GMDS: variants seen among roughly 807,000 people sequenced by gnomAD.
The protein encoded by GMDS is GDP-mannose 4,6 dehydratase.
GMDS carries 20 observed loss-of-function variants against 49.9 expected under a neutral mutation model. The observed-to-expected ratio is 0.40, with a 90% CI of 0.28 to 0.58. GMDS has a LOEUF of 0.58. Among genes scored for constraint, GMDS ranks in the 20% least tolerant of loss-of-function variants. The pLI, the probability that GMDS is intolerant of heterozygous loss-of-function variation, is 0.42. For missense variants in GMDS, 362 were observed against 481.4 expected (o/e 0.75, Z 2.32); for synonymous variants, 177 against 178.6 (o/e 0.99, Z 0.07).
At chr6:2,008,115 A>G (rs572184389) in intron 4 of GMDS, among the ~76,000 whole-genome samples, 132 of 152,316 alleles carry the variant, frequency 8.7e-4, no homozygotes, top group Non-Finnish European at 1.5e-3. Flanking sequence ...TTTATAGTCT[A>G]TTTACATTCA....
chr6:1,721,454 T>C (rs563779882), intron 9 of GMDS, among the ~76,000 whole-genome samples: 1 of 152,256 alleles, frequency 6.6e-6, no homozygotes, highest in Non-Finnish European at 1.5e-5. Context: ...AAAATGAATG[T>C]TAAAGACAAA....
intron 1 of GMDS, among the ~76,000 whole-genome samples, chr6:2,237,307 C>A (rs1039292339): frequency 1.3e-5 from 2 of 152,154 alleles, no homozygotes; most frequent in Non-Finnish European, 2.9e-5. Context: ...CACATTGGTG[C>A]CCCACTGCCA....
chr6:1,653,397 A>T (rs1763776106), intron 9 of GMDS, among the ~76,000 whole-genome samples: 1 of 152,208 alleles, frequency 6.6e-6, no homozygotes, highest in Non-Finnish European at 1.5e-5. Context: ...GATTCAGTGC[A>T]ATCCCTATCA....
At chr6:1,873,557 TTTA>T (rs1758880644) in intron 7 of GMDS, among the ~76,000 whole-genome samples, 2 of 152,308 alleles carry the variant, frequency 1.3e-5, no homozygotes, top group South Asian at 2.1e-4. Flanking sequence ...ACTTGGTAAT[TTTA>T]TTATTGTCCA....
chr6:2,023,182 A>G (rs1768379095), intron 4 of GMDS, among the ~76,000 whole-genome samples: 1 of 152,228 alleles, frequency 6.6e-6, no homozygotes, highest in Non-Finnish European at 1.5e-5. Context: ...CATGTAAATG[A>G]CACTGACTTT....
chr6:1,742,641 T>G lies in GMDS; in HGVS notation c.772-55A>C, dbSNP rs1445984997. 7.9e-6 allele frequency: 7 copies of G among 883,898 alleles called. No individual in the cohort carries two copies. In the African/African-American group the frequency reaches 1.1e-4, roughly 14 times the overall value. 54.8% of individuals were successfully genotyped at this position (883,898 alleles called of 1,614,324 possible). On this transcript the variant is annotated intron_variant, in intron 7 of 10. Coordinates refer to ENST00000380815, the MANE Select transcript of GMDS (RefSeq NM_001500.4). ...GAAGTCACACTCAGTGGCCACACAT[T>G]GTTTTCCAGTGCACATAATCAGATA...
intron 9 of GMDS, among the ~76,000 whole-genome samples, chr6:1,648,819 C>T (rs1399866417): frequency 1.3e-5 from 2 of 152,164 alleles, no homozygotes; most frequent in Admixed American, 6.5e-5. Context: ...GGCCTGCTGC[C>T]TCCCTGTTTG....
At chr6:1,629,210 G>C (rs761699701) in intron 9 of GMDS, among the ~76,000 whole-genome samples, 1 of 152,148 alleles carries the variant, frequency 6.6e-6, no homozygotes, top group Non-Finnish European at 1.5e-5. Context: ...ACATGCTCAC[G>C]AATTTATCCT....
At chr6:1,754,222 A>G (rs1767848080) in intron 7 of GMDS, among the ~76,000 whole-genome samples, 1 of 152,222 alleles carries the variant, frequency 6.6e-6, no homozygotes, top group African/African-American at 2.4e-5. Flanking sequence ...GATCCCACAG[A>G]AATACAAACT....
At chr6:2,063,507 C>T (rs1771316117) in intron 4 of GMDS, among the ~76,000 whole-genome samples, 1 of 152,124 alleles carries the variant, frequency 6.6e-6, no homozygotes, top group Admixed American at 6.5e-5. Flanking sequence ...CAAACCAAAC[C>T]AAACCATAAT....
At chr6:1,946,018 T>C (rs1340558076) in intron 6 of GMDS, among the ~76,000 whole-genome samples, 2 of 152,228 alleles carry the variant, frequency 1.3e-5, no homozygotes, top group Non-Finnish European at 2.9e-5. Flanking sequence ...CCAGTTTCTA[T>C]GTCACCCATG....
intron 6 of GMDS, among the ~76,000 whole-genome samples, chr6:1,956,191 C>T (rs963717369): frequency 6.6e-6 from 1 of 152,238 alleles, no homozygotes; most frequent in East Asian, 1.9e-4. Flanking sequence ...GATCTGTCTA[C>T]AGCTGGGGCC....
At chr6:2,203,193 G>A (rs1237373895) in intron 1 of GMDS, among the ~76,000 whole-genome samples, 1 of 152,122 alleles carries the variant, frequency 6.6e-6, no homozygotes, top group Non-Finnish European at 1.5e-5. Flanking sequence ...TAGGCCACTG[G>A]GGGGTTGGGG....
chr6:1,762,027 T>C (rs1239064250), intron 7 of GMDS, among the ~76,000 whole-genome samples: 1 of 152,206 alleles, frequency 6.6e-6, no homozygotes, highest in East Asian at 1.9e-4. Context: ...AAGGACAATC[T>C]GATATAAACC....
intron 4 of GMDS, among the ~76,000 whole-genome samples, chr6:2,041,777 A>C (rs1466234409): frequency 2.0e-5 from 3 of 152,312 alleles, no homozygotes; most frequent in Non-Finnish European, 2.9e-5. Flanking sequence ...AAAACACATA[A>C]ATTTGGAAAC....
chr6:2,089,328 T>C (rs1354908941), intron 4 of GMDS, among the ~76,000 whole-genome samples: 1 of 151,924 alleles, frequency 6.6e-6, no homozygotes, highest in East Asian at 1.9e-4. Context: ...AAAATTAAAG[T>C]CAACTAAAAG....
At chr6:1,999,959 T>TAATATATATATTATATATATATATTA (rs1207388926) in intron 4 of GMDS, among the ~76,000 whole-genome samples, 1 of 12,528 alleles carries the variant, frequency 8.0e-5, no homozygotes, top group African/African-American at 2.1e-4. Flanking sequence ...AATATGTATA[T>TAATATATATATTATATATATATATTA]TATATATATA....
intron 7 of GMDS, among the ~76,000 whole-genome samples, chr6:1,859,416 C>T (rs1001488524): frequency 5.3e-5 from 8 of 152,108 alleles, no homozygotes; most frequent in African/African-American, 1.9e-4. Flanking sequence ...AAAAGTAATA[C>T]AAGAAATTCA....
At chr6:2,069,262 C>T (rs549833354) in intron 4 of GMDS, among the ~76,000 whole-genome samples, 131 of 152,200 alleles carry the variant, frequency 8.6e-4, no homozygotes, top group African/African-American at 3.1e-3. Flanking sequence ...ATACAAAAAT[C>T]AATTCAAGAT....
Sources: gnomAD v4.1 joint callset for allele counts (sites outside exome capture counted in the v4.1 genomes callset) on GRCh38, gnomAD v4.1.1 for gene constraint, MANE v1.5 for transcripts, NCBI Gene and HGNC (gene_info 2026-07-23, HGNC 2026-07-21) for gene names.